Variants in SLC25A29 observed in about 807,000 individuals in gnomAD.
The protein encoded by SLC25A29 is solute carrier family 25 member 29.
In SLC25A29, 13 loss-of-function variants were observed where a neutral mutation model predicts 10.0. That is an observed-to-expected ratio of 1.30 (90% CI 0.85 to 2.07). The LOEUF is 2.07. Ranked by LOEUF, SLC25A29 falls within the 30% of genes most tolerant of loss-of-function variation. The probability of loss-of-function intolerance (pLI) is 0.00; values close to 1 mark genes in which losing one functional copy is unlikely to be tolerated. For synonymous variants in SLC25A29, 244 were observed against 221.1 expected (o/e 1.10, Z -0.92); for missense variants, 475 against 447.6 (o/e 1.06, Z -0.55).
chr14:100,284,001 C>T, the SLC25A29 span, among the ~76,000 whole-genome samples: 3 of 152,146 alleles, frequency 2.0e-5, no homozygotes, highest in African/African-American at 7.2e-5. Flanking sequence ...CCTGCCTTGG[C>T]CTCCCGAGTA....
intron 1 of SLC25A29, chr14:100,299,487 C>A: frequency 1.0e-6 from 1 of 986,988 alleles, no homozygotes; most frequent in Non-Finnish European, 1.2e-6. Flanking sequence ...ATACCTCCGT[C>A]CCCTTCCCTC....
At chr14:100,287,472 G>C (rs1168830938), downstream of SLC25A29, among the ~76,000 whole-genome samples, 1 of 152,178 alleles carries the variant, frequency 6.6e-6, no homozygotes, top group African/African-American at 2.4e-5. Flanking sequence ...CCCTTAAGGG[G>C]TCAAGGAAGG....
chr14:100,292,159 G>T lies in SLC25A29; in HGVS notation c.*124C>A. 2 of 1,312,462 alleles carry T rather than the reference G, an allele frequency of 1.5e-6. No homozygotes were observed. The highest frequency in any genetic ancestry group is 2.1e-6 in the Non-Finnish European group (2 of 950,326). 81.3% of individuals were successfully genotyped at this position (1,312,462 alleles called of 1,614,324 possible). A position where few individuals can be genotyped will look rare whatever the true frequency, so the allele number is the denominator to read the frequency against. ...CTACCCAGCTGATCAGCAAAATTCAGCCCACGTCTGATAGACTCCACAGCT... is the reference window on the plus strand; with the variant it reads ...CTACCCAGCTGATCAGCAAAATTCATCCCACGTCTGATAGACTCCACAGCT... On this transcript the variant is annotated 3_prime_UTR_variant, in exon 4 of 4. Coordinates refer to ENST00000359232, the MANE Select transcript of SLC25A29 (RefSeq NM_001039355.3).
rs1364083986 is a variant in SLC25A29 at position 100,293,455 on chromosome 14, C to T, written c.79-78G>A. 33 of 1,366,088 alleles carry T rather than the reference C, an allele frequency of 2.4e-5. No individual in the cohort carries two copies. The East Asian group carries it at 4.3e-4, about 18-fold the overall frequency. 84.6% of individuals were successfully genotyped at this position (1,366,088 alleles called of 1,614,324 possible). A position where few individuals can be genotyped will look rare whatever the true frequency, so the allele number is the denominator to read the frequency against. On this transcript the variant is annotated intron_variant, in intron 2 of 3. Coordinates refer to ENST00000359232, the MANE Select transcript of SLC25A29 (RefSeq NM_001039355.3). Reference sequence around the variant, plus strand: ...CTCCCGGGTCTGGTGCTTAGGCTGCCTAGGAGGGTCTCCCAAGGAGGCCGG... The same window carrying T: ...CTCCCGGGTCTGGTGCTTAGGCTGCTTAGGAGGGTCTCCCAAGGAGGCCGG...
At chr14:100,304,205 G>A (rs1420173164) in intron 1 of SLC25A29, among the ~76,000 whole-genome samples, 1 of 152,212 alleles carries the variant, frequency 6.6e-6, no homozygotes, top group Admixed American at 6.5e-5. Context: ...GCCAGGCAGG[G>A]GCTGCTGGGG....
chr14:100,278,708 C>T, the SLC25A29 span: 1 of 152,362 alleles, frequency 6.6e-6, no homozygotes, highest in East Asian at 1.9e-4. Flanking sequence ...CAGGAACTAC[C>T]TCAGAACACC....
the SLC25A29 span, chr14:100,279,003 A>T: frequency 1.3e-4 from 20 of 152,356 alleles, no homozygotes; most frequent in Non-Finnish European, 2.6e-4. Context: ...CAATGTGGCA[A>T]TTGAGTGCCA....
chr14:100,288,781 G>A (rs1456072345), downstream of SLC25A29, among the ~76,000 whole-genome samples: 3 of 152,212 alleles, frequency 2.0e-5, no homozygotes, highest in Non-Finnish European at 4.4e-5. Flanking sequence ...AATATGCCAT[G>A]CAGCTGTCAG....
At chr14:100,286,241 C>T (rs1891539676), downstream of SLC25A29, among the ~76,000 whole-genome samples, 1 of 152,120 alleles carries the variant, frequency 6.6e-6, no homozygotes, top group Non-Finnish European at 1.5e-5. Context: ...GACTTTGCAC[C>T]CCTGGCCCTC....
downstream of SLC25A29, among the ~76,000 whole-genome samples, chr14:100,290,081 G>A (rs1000411659): frequency 3.3e-5 from 5 of 152,184 alleles, no homozygotes; most frequent in African/African-American, 4.8e-5. Flanking sequence ...CGCAGGGTTC[G>A]TGGAGAAGCC....
chr14:100,302,869 T>C (rs1892657967), intron 1 of SLC25A29, among the ~76,000 whole-genome samples: 1 of 152,114 alleles, frequency 6.6e-6, no homozygotes. Context: ...CACCAGGAGA[T>C]GCCAAGGGTG....
chr14:100,279,288 C>T, the SLC25A29 span: 25 of 152,108 alleles, frequency 1.6e-4, no homozygotes, highest in Admixed American at 1.4e-3. Context: ...AGCTAATATC[C>T]GAGATTTATT....
At chr14:100,287,716 T>C (rs1046311686), downstream of SLC25A29, among the ~76,000 whole-genome samples, 4 of 143,664 alleles carry the variant, frequency 2.8e-5, no homozygotes, top group Admixed American at 7.3e-5. Context: ...CTGCCTCTTA[T>C]TGCCTCCTAA....
the SLC25A29 span, chr14:100,282,658 T>C: frequency 1.3e-5 from 2 of 152,234 alleles, no homozygotes; most frequent in African/African-American, 2.4e-5. Context: ...TGCAGAAATA[T>C]AGTATTTAAG....
chr14:100,293,353 C>T lies in SLC25A29; in HGVS notation c.103G>A (p.Glu35Lys), dbSNP rs200054689. ...AACGTCCCGCGGTACTGAGGCTTCT[C>T]CACGCTCTGGACCTGAAGCCGTACC... ...VKVRLQVQSV[E>K]KPQYRGTLHC... Residue 35 changes from glutamate (E) to lysine (K), a missense_variant, in exon 3 of 4, where the codon GAG (glutamate) becomes AAG (lysine). Transcript: ENST00000359232. 2.7e-4 allele frequency: 438 copies of T among 1,613,284 alleles called. 2 individuals are homozygous for T. Among genetic ancestry groups the T allele is most frequent in the Middle Eastern group, 1.5e-3 (9 of 6,056 alleles).
chr14:100,289,329 G>A (rs1269586268), downstream of SLC25A29, among the ~76,000 whole-genome samples: 17 of 152,152 alleles, frequency 1.1e-4, no homozygotes, highest in African/African-American at 3.6e-4. Flanking sequence ...TCAGGACCTC[G>A]GCCACACTTT....
chr14:100,279,236 T>G, the SLC25A29 span: 6 of 152,188 alleles, frequency 3.9e-5, no homozygotes, highest in Non-Finnish European at 8.8e-5. Context: ...CTGTGTGTCT[T>G]TCTGTTTTGT....
At chr14:100,282,191 G>A in the SLC25A29 span, 1 of 152,196 alleles carries the variant, frequency 6.6e-6, no homozygotes, top group East Asian at 1.9e-4. Flanking sequence ...TGTCAGAGGA[G>A]GGTGCGTGTG....
At chr14:100,300,988 C>T (rs936077636) in intron 1 of SLC25A29, among the ~76,000 whole-genome samples, 1 of 152,160 alleles carries the variant, frequency 6.6e-6, no homozygotes, top group African/African-American at 2.4e-5. Flanking sequence ...CAAGCTCCAC[C>T]TCCCGGGTTC....
Sources: gnomAD v4.1 joint callset for allele counts (sites outside exome capture counted in the v4.1 genomes callset) on GRCh38, gnomAD v4.1.1 for gene constraint, MANE v1.5 for transcripts, NCBI Gene and HGNC (gene_info 2026-07-23, HGNC 2026-07-21) for gene names.